APP: variants seen among roughly 807,000 people sequenced by gnomAD.
The protein encoded by APP is amyloid-beta precursor protein.
Under a neutral mutation model 101.4 loss-of-function variants are expected in APP, and 31 were observed. The ratio of observed to expected loss-of-function variants is 0.31; its 90% CI spans 0.23 to 0.41. The LOEUF (loss-of-function observed/expected upper bound fraction) is 0.41. Among genes scored for constraint, APP ranks in the 10% least tolerant of loss-of-function variants. The pLI is 1.00. For missense variants in APP, 839 were observed against 1,003.7 expected (o/e 0.84, Z 2.22); for synonymous variants, 366 against 364.4 (o/e 1.00, Z -0.05).
chr21:26,020,213 A>C (rs1039874760), intron 6 of APP, among the ~76,000 whole-genome samples: 1 of 152,218 alleles, frequency 6.6e-6, no homozygotes, highest in African/African-American at 2.4e-5. Flanking sequence ...CCCACTTATA[A>C]TAACAGTCCA....
At chr21:26,022,292 G>GA (rs1288549330) in intron 5 of APP, among the ~76,000 whole-genome samples, 2 of 152,128 alleles carry the variant, frequency 1.3e-5, no homozygotes, top group African/African-American at 4.8e-5. Context: ...CTGGAAAAGG[G>GA]AAAATTACGG....
rs556999630 is a variant in APP at position 26,151,634 on chromosome 21, T to A, written c.57+18930A>T. 1.5e-3 allele frequency among the ~76,000 whole-genome samples: 230 copies of A among 152,318 alleles called. 1 individual carries two copies. Among genetic ancestry groups the A allele is most frequent in the Admixed American group, 4.7e-3 (72 of 15,302 alleles). On this transcript the variant is annotated intron_variant, in intron 1 of 17. Coordinates refer to ENST00000346798, the MANE Select transcript of APP (RefSeq NM_000484.4). ...CGGGATGAAACTGCTCCACCTCAGA[T>A]CATCAGGCATTAGATTCTAATAAGG...
intron 2 of APP, among the ~76,000 whole-genome samples, chr21:26,092,964 C>T (rs1394480150): frequency 6.6e-6 from 1 of 152,168 alleles, no homozygotes; most frequent in East Asian, 1.9e-4. Flanking sequence ...ATCTCTAAAT[C>T]AGAATCCTGG....
intron 8 of APP, among the ~76,000 whole-genome samples, chr21:25,983,993 G>GT (rs1160225979): frequency 6.6e-6 from 1 of 152,196 alleles, no homozygotes; most frequent in Admixed American, 6.5e-5. Flanking sequence ...TTTTTATCAA[G>GT]TGGTGATAAC....
chr21:26,019,414 A>G (rs1383115122), intron 6 of APP, among the ~76,000 whole-genome samples: 1 of 152,110 alleles, frequency 6.6e-6, no homozygotes. Context: ...TTTTGGCTCT[A>G]GTTCAAATGT....
chr21:25,989,503 C>T (rs567956573), intron 8 of APP, among the ~76,000 whole-genome samples: 2 of 152,206 alleles, frequency 1.3e-5, no homozygotes, highest in East Asian at 3.9e-4. Context: ...AAGAAATGAC[C>T]CACCTTCAAA....
intron 5 of APP, among the ~76,000 whole-genome samples, chr21:26,032,226 G>T (rs1294439221): frequency 1.3e-5 from 2 of 152,098 alleles, no homozygotes; most frequent in East Asian, 3.8e-4. Flanking sequence ...TTTTTTTAAA[G>T]TATCTGTGGT....
intron 11 of APP, among the ~76,000 whole-genome samples, chr21:25,957,571 A>G (rs930158730): frequency 3.3e-5 from 5 of 152,138 alleles, no homozygotes; most frequent in Admixed American, 2.6e-4. Flanking sequence ...GACTAATCGC[A>G]TTTAACCATG....
intron 17 of APP, among the ~76,000 whole-genome samples, chr21:25,887,540 A>AAAAAAC (rs367900945): frequency 7.2e-6 from 1 of 139,272 alleles, no homozygotes. Flanking sequence ...AAAAAAAAAA[A>AAAAAAC]CAACAACTAG....
At chr21:25,998,942 A>T (rs1015594097) in intron 7 of APP, among the ~76,000 whole-genome samples, 1 of 152,220 alleles carries the variant, frequency 6.6e-6, no homozygotes, top group African/African-American at 2.4e-5. Context: ...TCATGACTTC[A>T]TATTTTTATC....
intron 3 of APP, among the ~76,000 whole-genome samples, chr21:26,088,363 T>C (rs989202506): frequency 2.6e-5 from 4 of 152,220 alleles, no homozygotes; most frequent in Non-Finnish European, 5.9e-5. Flanking sequence ...ATAAGTTCAC[T>C]TCTGAAACAT....
Position 26,030,687 on chromosome 21 carries a change from C to T in APP, c.663-8645G>A, listed in dbSNP as rs1040652059. ...AACCAACTAGAATTAAGGAGAAGCACCTAAGGTCATAAAAAGTTTTGGAGT... is the reference window on the plus strand; with the variant it reads ...AACCAACTAGAATTAAGGAGAAGCATCTAAGGTCATAAAAAGTTTTGGAGT... On this transcript the variant is annotated intron_variant, in intron 5 of 17. Coordinates refer to ENST00000346798, the MANE Select transcript of APP (RefSeq NM_000484.4). Among the ~76,000 whole-genome samples, 4 of 152,080 alleles carry T rather than the reference C, an allele frequency of 2.6e-5. No homozygotes were observed. The East Asian group carries it at 5.8e-4, about 22-fold the overall frequency.
chr21:25,914,747 G>A (rs890571695), intron 13 of APP, among the ~76,000 whole-genome samples: 8 of 152,030 alleles, frequency 5.3e-5, no homozygotes, highest in Non-Finnish European at 8.8e-5. Context: ...TAGAGACGGG[G>A]TTTCACCGTG....
chr21:26,140,073 G>A lies in APP; in HGVS notation c.58-27927C>T. The A allele has an allele frequency of 2.8e-6, 3 of 1,071,016 alleles. No homozygotes were observed. The South Asian group carries it at 4.1e-5, about 15-fold the overall frequency. 66.3% of individuals were successfully genotyped at this position (1,071,016 alleles called of 1,614,324 possible). The stretch of plus-strand genomic sequence containing the variant: ...AATAAGTAACATTGTACTTTTGAAA[G>A]ATATTACTGTCTGAGAACAGAGTTT... On this transcript the variant is annotated intron_variant, in intron 1 of 17. Coordinates refer to ENST00000346798, the MANE Select transcript of APP (RefSeq NM_000484.4).
chr21:25,985,113 C>T (rs1187228924), intron 8 of APP, among the ~76,000 whole-genome samples: 1 of 152,042 alleles, frequency 6.6e-6, no homozygotes. Flanking sequence ...AAGAGAATAA[C>T]CATGGAACAT....
intron 3 of APP, among the ~76,000 whole-genome samples, chr21:26,075,422 T>G (rs1012332396): frequency 8.5e-5 from 13 of 152,190 alleles, no homozygotes; most frequent in Admixed American, 7.9e-4. Context: ...ATTATAATAC[T>G]TTGTCCCAAC....
intron 5 of APP, among the ~76,000 whole-genome samples, chr21:26,032,675 C>T (rs1174503948): frequency 1.3e-5 from 2 of 152,006 alleles, no homozygotes; most frequent in Non-Finnish European, 2.9e-5. Context: ...TTTTTAACTA[C>T]AGCTTAAATG....
Position 25,881,554 on chromosome 21 carries a change from A to G in APP, c.*116T>C. 1 of 1,188,200 alleles carries G rather than the reference A, an allele frequency of 8.4e-7. No homozygotes were observed. Among genetic ancestry groups the G allele is most frequent in the African/African-American group, 1.5e-5 (1 of 66,774 alleles). The allele number at this position is 1,188,200 out of a possible 1,614,324, so 73.6% of individuals were successfully genotyped here. ...TACAGCACAGCTGTCAAAAGGCGAT[A>G]ATGAGTAAATCATAAAACGGGTTTG... On this transcript the variant is annotated 3_prime_UTR_variant, in exon 18 of 18. Transcript: ENST00000346798.
rs45589140 is a variant in APP, at chr21:26,155,950, G to A, written c.57+14614C>T. Reference sequence around the variant, plus strand: ...AGGGAGGCAGAGCTTGCAGTGAGCCGAGACCGTGCCACTGCACTCCAGCCT... The same window carrying A: ...AGGGAGGCAGAGCTTGCAGTGAGCCAAGACCGTGCCACTGCACTCCAGCCT... On this transcript the variant is annotated intron_variant, in intron 1 of 17. Transcript: ENST00000346798. Among the ~76,000 whole-genome samples the A allele has an allele frequency of 4.4e-3, 656 of 148,304 alleles. 4 individuals are homozygous for A. Among genetic ancestry groups the A allele is most frequent in the Middle Eastern group, 0.031 (9 of 288 alleles).
Sources: allele counts gnomAD v4.1 joint callset (sites outside exome capture counted in the v4.1 genomes callset), GRCh38; gene constraint gnomAD v4.1.1; transcripts MANE v1.5; gene names NCBI Gene and HGNC (gene_info 2026-07-23, HGNC 2026-07-21).